PLCXD3: variants seen among roughly 807,000 people sequenced by gnomAD.
The protein encoded by PLCXD3 is PI-PLC X domain-containing protein 3.
A neutral mutation model predicts 25.5 loss-of-function variants in PLCXD3; 19 were observed. That is an observed-to-expected ratio of 0.75 (90% CI 0.52 to 1.09). The LOEUF (loss-of-function observed/expected upper bound fraction) is 1.09. Among genes scored for constraint, PLCXD3 ranks in the 50% least tolerant of loss-of-function variants. The probability of loss-of-function intolerance (pLI) is 0.00; values close to 1 mark genes in which losing one functional copy is unlikely to be tolerated. For missense variants in PLCXD3, 411 were observed against 388.1 expected, an observed-to-expected ratio of 1.06 and a Z score of -0.50; for synonymous variants, 174 against 137.6, an observed-to-expected ratio of 1.26 and a Z score of -1.85.
Position 41,312,919 on chromosome 5 carries a change from G to A in PLCXD3, c.*698C>T, listed in dbSNP as rs1743177975. The stretch of plus-strand genomic sequence containing the variant: ...TCACCCCTCAACCATTTTTCCCTCT[G>A]AAATTGGCATTCACAGCTCTCCAAA... On this transcript the variant is annotated 3_prime_UTR_variant, in exon 3 of 3. Transcript: ENST00000377801. The A allele has an allele frequency of 6.6e-6, 1 of 152,424 alleles. No homozygotes were observed. Among genetic ancestry groups the A allele is most frequent in the Non-Finnish European group, 1.5e-5 (1 of 68,006 alleles). The allele number at this position is 152,424 out of a possible 1,614,324, so 9.4% of individuals were successfully genotyped here.
At chr5:41,416,543 G>T (rs944639113) in intron 1 of PLCXD3, among the ~76,000 whole-genome samples, 1 of 152,126 alleles carries the variant, frequency 6.6e-6, no homozygotes, top group Non-Finnish European at 1.5e-5. Context: ...AGTGCCCAGG[G>T]CCAAGTGAGT....
At chr5:41,364,198 C>T (rs1299591033) in intron 2 of PLCXD3, among the ~76,000 whole-genome samples, 1 of 152,120 alleles carries the variant, frequency 6.6e-6, no homozygotes, top group South Asian at 2.1e-4. Context: ...GCCAAACATC[C>T]TACTATGCAC....
intron 1 of PLCXD3, among the ~76,000 whole-genome samples, chr5:41,391,006 G>A (rs1454240363): frequency 1.3e-5 from 2 of 152,134 alleles, no homozygotes; most frequent in Non-Finnish European, 2.9e-5. Context: ...GCTTCCTAAG[G>A]GAGCATTTAA....
At chr5:41,451,459 G>C (rs554205255) in intron 1 of PLCXD3, among the ~76,000 whole-genome samples, 5 of 152,120 alleles carry the variant, frequency 3.3e-5, no homozygotes, top group Admixed American at 2.0e-4. Context: ...AGCTGTTGCT[G>C]ATGTCAACAA....
intron 2 of PLCXD3, among the ~76,000 whole-genome samples, chr5:41,358,785 G>C (rs185865508): frequency 5.9e-5 from 9 of 152,216 alleles, no homozygotes; most frequent in Admixed American, 5.2e-4. Context: ...GGGCATCCTT[G>C]TCTTGTTCCA....
At chr5:41,446,482 T>C (rs935949386) in intron 1 of PLCXD3, among the ~76,000 whole-genome samples, 3 of 151,828 alleles carry the variant, frequency 2.0e-5, no homozygotes, top group Non-Finnish European at 2.9e-5. Context: ...GGGTGTTTCA[T>C]ACTGGCAAAT....
intron 1 of PLCXD3, among the ~76,000 whole-genome samples, chr5:41,500,505 G>C (rs1230666995): frequency 2.0e-5 from 3 of 151,638 alleles, no homozygotes. Context: ...TACCCTAAAA[G>C]CCTGACTTGA....
At chr5:41,461,294 G>A (rs1415151167) in intron 1 of PLCXD3, among the ~76,000 whole-genome samples, 1 of 151,926 alleles carries the variant, frequency 6.6e-6, no homozygotes, top group African/African-American at 2.4e-5. Flanking sequence ...ACAATGTAAA[G>A]CATGACTGAA....
intron 1 of PLCXD3, among the ~76,000 whole-genome samples, chr5:41,430,147 A>G (rs1747061754): frequency 6.6e-6 from 1 of 152,202 alleles, no homozygotes; most frequent in Non-Finnish European, 1.5e-5. Context: ...CATCATAGTA[A>G]CAATAATAGC....
intron 2 of PLCXD3, among the ~76,000 whole-genome samples, chr5:41,328,929 A>G (rs1222835320): frequency 3.3e-5 from 5 of 152,262 alleles, no homozygotes; most frequent in South Asian, 2.1e-4. Flanking sequence ...GAATGTTTCA[A>G]TTACCTCTCA....
At chr5:41,389,479 G>A (rs1333291577) in intron 1 of PLCXD3, among the ~76,000 whole-genome samples, 1 of 152,154 alleles carries the variant, frequency 6.6e-6, no homozygotes, top group Non-Finnish European at 1.5e-5. Context: ...AAGCTGTACT[G>A]TGTTCTTTGC....
chr5:41,312,670 C>T lies in PLCXD3; in HGVS notation c.*947G>A, dbSNP rs1237229489. 4.9e-5 allele frequency: 6 copies of T among 122,704 alleles called. No homozygotes were observed. Among genetic ancestry groups the T allele is most frequent in the African/African-American group, 1.8e-4 (6 of 33,318 alleles). The allele number at this position is 122,704 out of a possible 1,614,324, so 7.6% of individuals were successfully genotyped here. ...TCCCTTCTTCCCTCCCTTCCTCCCT[C>T]CCTTCCTTTCTTCCTTTCCTTCCTT... On this transcript the variant is annotated 3_prime_UTR_variant, in exon 3 of 3. Coordinates refer to ENST00000377801, the MANE Select transcript of PLCXD3 (RefSeq NM_001005473.3).
At chr5:41,432,746 A>G (rs947195864) in intron 1 of PLCXD3, among the ~76,000 whole-genome samples, 1 of 152,196 alleles carries the variant, frequency 6.6e-6, no homozygotes, top group Non-Finnish European at 1.5e-5. Flanking sequence ...TAATAATGCA[A>G]CTAACAGATA....
chr5:41,442,391 G>A (rs1006044775), intron 1 of PLCXD3, among the ~76,000 whole-genome samples: 1 of 152,100 alleles, frequency 6.6e-6, no homozygotes, highest in Non-Finnish European at 1.5e-5. Flanking sequence ...AACAGTTTAT[G>A]TATCATACAC....
intron 1 of PLCXD3, among the ~76,000 whole-genome samples, chr5:41,463,422 C>T (rs1195621608): frequency 6.6e-6 from 1 of 151,904 alleles, no homozygotes. Flanking sequence ...TTGTGAGGGT[C>T]CCACACTCAT....
At chr5:41,460,530 T>G (rs1747850687) in intron 1 of PLCXD3, among the ~76,000 whole-genome samples, 1 of 151,966 alleles carries the variant, frequency 6.6e-6, no homozygotes, top group Non-Finnish European at 1.5e-5. Flanking sequence ...GCAGAGTACC[T>G]GGCATACTGA....
At chr5:41,327,896 C>T (rs1743680339) in intron 2 of PLCXD3, among the ~76,000 whole-genome samples, 1 of 152,212 alleles carries the variant, frequency 6.6e-6, no homozygotes, top group Middle Eastern at 3.4e-3. Context: ...ACCTCGAACT[C>T]CCGGACTCAA....
At chr5:41,388,918 CAT>C (rs1199591981) in intron 1 of PLCXD3, among the ~76,000 whole-genome samples, 2 of 151,242 alleles carry the variant, frequency 1.3e-5, no homozygotes, top group African/African-American at 4.8e-5. Flanking sequence ...TTTAAAAAAA[CAT>C]ATATTTTATA....
At chr5:41,452,796 C>A (rs1048911919) in intron 1 of PLCXD3, among the ~76,000 whole-genome samples, 5 of 152,036 alleles carry the variant, frequency 3.3e-5, no homozygotes, top group Admixed American at 6.6e-5. Context: ...AAAGAACACA[C>A]TTCTGAGGCT....
Sources: gnomAD v4.1 joint callset for allele counts (sites outside exome capture counted in the v4.1 genomes callset) on GRCh38, gnomAD v4.1.1 for gene constraint, MANE v1.5 for transcripts, NCBI Gene and HGNC (gene_info 2026-07-23, HGNC 2026-07-21) for gene names.